PACRG: variants seen among roughly 807,000 people sequenced by gnomAD.
PACRG encodes the protein parkin coregulated gene protein.
In PACRG, 29 loss-of-function variants were observed where a neutral mutation model predicts 29.7. That is an observed-to-expected ratio of 0.98 (90% CI 0.73 to 1.33). The LOEUF is 1.33. Ranked by LOEUF, PACRG falls within the 40% of genes most tolerant of loss-of-function variation. The probability of loss-of-function intolerance (pLI) is 0.00; values close to 1 mark genes in which losing one functional copy is unlikely to be tolerated. For synonymous variants in PACRG, 116 were observed against 118.7 expected, an observed-to-expected ratio of 0.98 and a Z score of 0.15; for missense variants, 279 against 316.2, an observed-to-expected ratio of 0.88 and a Z score of 0.89.
At chr6:163,250,660 T>C (rs1241616334) in intron 4 of PACRG, among the ~76,000 whole-genome samples, 3 of 152,198 alleles carry the variant, frequency 2.0e-5, no homozygotes, top group African/African-American at 7.2e-5. Flanking sequence ...ATCCCACTAC[T>C]GGGTATCTAC....
At chr6:163,135,786 C>G (rs1816913459) in intron 4 of PACRG, among the ~76,000 whole-genome samples, 1 of 152,202 alleles carries the variant, frequency 6.6e-6, no homozygotes, top group Non-Finnish European at 1.5e-5. Flanking sequence ...CATCGCTCGA[C>G]AAGCCGGCTG....
intron 4 of PACRG, among the ~76,000 whole-genome samples, chr6:163,136,209 T>C (rs994442267): frequency 2.6e-5 from 4 of 152,216 alleles, no homozygotes; most frequent in Non-Finnish European, 5.9e-5. Context: ...CCAATCTCAA[T>C]TATTGACAGC....
intron 4 of PACRG, among the ~76,000 whole-genome samples, chr6:163,102,697 C>A (rs1815166594): frequency 1.3e-5 from 2 of 151,128 alleles, no homozygotes; most frequent in African/African-American, 5.0e-5. Context: ...TGTCCTGAAG[C>A]TACCTACCAA....
intron 4 of PACRG, chr6:163,101,037 C>T (rs1815056554): frequency 1.0e-6 from 1 of 982,108 alleles, no homozygotes; most frequent in African/African-American, 1.8e-5. Context: ...TTAATATGAG[C>T]TTTAGTGAGC....
intron 1 of PACRG, among the ~76,000 whole-genome samples, chr6:162,809,925 T>TCTG (rs1393669830): frequency 6.6e-6 from 1 of 152,194 alleles, no homozygotes; most frequent in Non-Finnish European, 1.5e-5. Context: ...AGTGGAGACC[T>TCTG]CACGAGGAGC....
chr6:162,761,192 C>G (rs1399417510), intron 1 of PACRG, among the ~76,000 whole-genome samples: 1 of 152,128 alleles, frequency 6.6e-6, no homozygotes, highest in Admixed American at 6.5e-5. Flanking sequence ...CTGTTTAACC[C>G]AAGCAAAGCC....
intron 2 of PACRG, among the ~76,000 whole-genome samples, chr6:162,857,438 G>A (rs1193606292): frequency 1.3e-5 from 2 of 152,204 alleles, no homozygotes; most frequent in African/African-American, 4.8e-5. Context: ...ATTCCCTAGA[G>A]AAACTGCTTT....
intron 3 of PACRG, among the ~76,000 whole-genome samples, chr6:163,087,146 G>A (rs1392207800): frequency 6.6e-6 from 1 of 152,150 alleles, no homozygotes; most frequent in East Asian, 1.9e-4. Flanking sequence ...CAGTGAATGG[G>A]TCCCAAGGAT....
chr6:163,183,883 A>G (rs1366929121), intron 4 of PACRG, among the ~76,000 whole-genome samples: 1 of 152,242 alleles, frequency 6.6e-6, no homozygotes, highest in Non-Finnish European at 1.5e-5. Context: ...TTCTTAATAC[A>G]AAGCAATGCA....
At chr6:163,202,387 A>G (rs931015600) in intron 4 of PACRG, among the ~76,000 whole-genome samples, 1 of 151,960 alleles carries the variant, frequency 6.6e-6, no homozygotes, top group Admixed American at 6.6e-5. Context: ...GTTTATGTGC[A>G]TGTGTGTGTG....
At chr6:162,766,421 C>T (rs1404231071) in intron 1 of PACRG, among the ~76,000 whole-genome samples, 1 of 150,456 alleles carries the variant, frequency 6.6e-6, no homozygotes, top group African/African-American at 2.5e-5. Context: ...AATAGCATTC[C>T]ATTGTGTATT....
chr6:163,153,992 G>T (rs1285269288), intron 4 of PACRG, among the ~76,000 whole-genome samples: 1 of 152,202 alleles, frequency 6.6e-6, no homozygotes, highest in African/African-American at 2.4e-5. Flanking sequence ...AAGAACAGCG[G>T]TGATTTTGCA....
rs1401818758 is a variant in PACRG at position 163,055,763 on chromosome 6, G to A, written c.292-6387G>A. ...CAGTGGCAGTAAGTACTCTCATACA[G>A]TGTGACCATGACCACCATCTAGTTC... On this transcript the variant is annotated intron_variant, in intron 2 of 4. Transcript: ENST00000366888. The surrounding 1 kb of genome is among the most constrained non-coding windows in gnomAD (Gnocchi z 4.0). Among the ~76,000 whole-genome samples the A allele has an allele frequency of 6.6e-6, 1 of 152,000 alleles. No individual in the cohort carries two copies. Among genetic ancestry groups the A allele is most frequent in the Non-Finnish European group, 1.5e-5 (1 of 68,026 alleles).
At chr6:162,727,718 A>C (rs1429303876), upstream of PACRG, 2 of 1,547,736 alleles carry the variant, frequency 1.3e-6, no homozygotes, top group Non-Finnish European at 1.7e-6. Context: ...CCATGCGCGC[A>C]GCGGCGCCAG....
rs144364564 is a variant in PACRG, at chr6:163,076,180, C to T, written c.464-13079C>T. Among the ~76,000 whole-genome samples the T allele has an allele frequency of 1.1e-3, 171 of 152,170 alleles. 3 individuals carry two copies. The East Asian group carries it at 0.017, about 15-fold the overall frequency. On this transcript the variant is annotated intron_variant, in intron 3 of 4. Coordinates refer to ENST00000366888, the MANE Select transcript of PACRG (RefSeq NM_001080379.2). ...GGCAGACAATTAATTGGACACAGAC[C>T]CCAAACCTTGTCTTCTCTGTGGTGG...
At chr6:162,761,158 G>A (rs1466251183) in intron 1 of PACRG, among the ~76,000 whole-genome samples, 6 of 152,106 alleles carry the variant, frequency 3.9e-5, no homozygotes, top group Non-Finnish European at 7.4e-5. Flanking sequence ...CCTACCACAT[G>A]TGCCCCTAGA....
rs909697464 is a variant in PACRG, at chr6:163,287,800, C to T, written c.614-27027C>T. Reference sequence around the variant, plus strand: ...CATGTGTTGCTCTGAGTGTGGCGTGCGCAGTTGGGAAACCTCAGAACGGTG... The same window carrying T: ...CATGTGTTGCTCTGAGTGTGGCGTGTGCAGTTGGGAAACCTCAGAACGGTG... On this transcript the variant is annotated intron_variant, in intron 4 of 4. Transcript: ENST00000366888. Among the ~76,000 whole-genome samples the T allele has an allele frequency of 2.6e-5, 4 of 152,058 alleles. No individual in the cohort carries two copies. The South Asian group carries it at 6.2e-4, about 24-fold the overall frequency.
intron 1 of PACRG, among the ~76,000 whole-genome samples, chr6:162,729,616 C>T (rs1292278066): frequency 6.6e-6 from 1 of 152,050 alleles, no homozygotes; most frequent in Non-Finnish European, 1.5e-5. Context: ...CAAGATGATG[C>T]ATTTATCAGC....
At chr6:162,956,623 C>T (rs907504556) in intron 2 of PACRG, among the ~76,000 whole-genome samples, 2 of 152,196 alleles carry the variant, frequency 1.3e-5, no homozygotes, top group African/African-American at 4.8e-5. Context: ...CTTCCAGCTT[C>T]TGGTGGTCTC....
Sources: allele counts gnomAD v4.1 joint callset (sites outside exome capture counted in the v4.1 genomes callset), GRCh38; gene constraint gnomAD v4.1.1; non-coding constraint Gnocchi (gnomAD v3.1); transcripts MANE v1.5; gene names NCBI Gene and HGNC (gene_info 2026-07-23, HGNC 2026-07-21).